Variants in HDAC9 observed in about 807,000 individuals in gnomAD.
HDAC9 encodes MEF-2 interacting transcription repressor (MITR) protein.
In HDAC9, 41 loss-of-function variants were observed where a neutral mutation model predicts 139.4. The observed-to-expected ratio is 0.29, with a 90% CI of 0.23 to 0.38. HDAC9 has a LOEUF of 0.38. Ranked by LOEUF, HDAC9 falls within the 10% of genes least tolerant of loss-of-function variation. The probability of loss-of-function intolerance (pLI) is 1.00; values close to 1 mark genes in which losing one functional copy is unlikely to be tolerated. For synonymous variants in HDAC9, 517 were observed against 476.2 expected, an observed-to-expected ratio of 1.09 and a Z score of -1.12; for missense variants, 1,147 against 1,297.0, an observed-to-expected ratio of 0.88 and a Z score of 1.78.
chr7:18,930,304 T>G (rs1804623268), intron 22 of HDAC9, among the ~76,000 whole-genome samples: 1 of 152,214 alleles, frequency 6.6e-6, no homozygotes. Flanking sequence ...AGGTCTGTGC[T>G]AAAATTTTTC....
At chr7:18,479,984 C>CT (rs753734278) in intron 1 of HDAC9, among the ~76,000 whole-genome samples, 5,128 of 116,116 alleles carry the variant, frequency 0.044, 215 homozygotes, top group East Asian at 0.21. Flanking sequence ...TCCACTCTGT[C>CT]TTTTTTTTTT....
intron 1 of HDAC9, among the ~76,000 whole-genome samples, chr7:18,148,440 C>T (rs1786509923): frequency 6.6e-6 from 1 of 152,072 alleles, no homozygotes; most frequent in Non-Finnish European, 1.5e-5. Context: ...TGTATTCTGC[C>T]TCTCCCTTCT....
chr7:18,908,336 G>T (rs926902134), intron 22 of HDAC9, among the ~76,000 whole-genome samples: 8 of 151,988 alleles, frequency 5.3e-5, no homozygotes, highest in Admixed American at 3.9e-4. Flanking sequence ...AAATCAATGT[G>T]TGATTATTAA....
At chr7:18,519,856 A>C (rs1031046434) in intron 2 of HDAC9, among the ~76,000 whole-genome samples, 1 of 152,204 alleles carries the variant, frequency 6.6e-6, no homozygotes, top group South Asian at 2.1e-4. Flanking sequence ...CTATAAGTCA[A>C]TACATAATCC....
intron 2 of HDAC9, among the ~76,000 whole-genome samples, chr7:18,283,238 A>G (rs752256305): frequency 6.6e-6 from 1 of 152,148 alleles, no homozygotes; most frequent in Admixed American, 6.5e-5. Flanking sequence ...GCTTCTTCAC[A>G]TGGTGGCAGG....
chr7:18,876,028 T>G (rs1799295931), intron 22 of HDAC9, among the ~76,000 whole-genome samples: 1 of 152,184 alleles, frequency 6.6e-6, no homozygotes, highest in Non-Finnish European at 1.5e-5. Flanking sequence ...AGGGAAAGGT[T>G]GTAACAAGAC....
chr7:18,164,125 G>T (rs368685320), intron 2 of HDAC9, among the ~76,000 whole-genome samples: 1 of 152,152 alleles, frequency 6.6e-6, no homozygotes, highest in South Asian at 2.1e-4. Flanking sequence ...ACATTATGCA[G>T]AAGTCTCAAT....
At chr7:18,737,245 C>A (rs1053795488) in intron 13 of HDAC9, among the ~76,000 whole-genome samples, 2 of 152,148 alleles carry the variant, frequency 1.3e-5, no homozygotes, top group African/African-American at 4.8e-5. Flanking sequence ...CAGTTCTGCT[C>A]TGGTCTTAGT....
chr7:18,586,347 T>C (rs1282843310), intron 3 of HDAC9, among the ~76,000 whole-genome samples: 2 of 152,104 alleles, frequency 1.3e-5, no homozygotes. Flanking sequence ...GCTATTTAAT[T>C]TGAATTTATT....
At chr7:18,929,666 G>A (rs1006225517) in intron 22 of HDAC9, among the ~76,000 whole-genome samples, 4 of 152,058 alleles carry the variant, frequency 2.6e-5, no homozygotes, top group Non-Finnish European at 5.9e-5. Flanking sequence ...GGCTGGGCAT[G>A]GTAGCTTACG....
At chr7:18,789,916 C>T (rs1792153244) in intron 16 of HDAC9, among the ~76,000 whole-genome samples, 1 of 152,100 alleles carries the variant, frequency 6.6e-6, no homozygotes, top group African/African-American at 2.4e-5. Flanking sequence ...CCTCTTGATG[C>T]TATCACTAAT....
At chr7:18,812,315 C>A (rs1422818794) in intron 17 of HDAC9, among the ~76,000 whole-genome samples, 1 of 151,828 alleles carries the variant, frequency 6.6e-6, no homozygotes, top group African/African-American at 2.4e-5. Context: ...CATTTGGTAT[C>A]ATTTCCTTTC....
chr7:18,161,198 A>G (rs915022431), intron 1 of HDAC9, among the ~76,000 whole-genome samples: 2 of 152,238 alleles, frequency 1.3e-5, no homozygotes, highest in Non-Finnish European at 1.5e-5. Flanking sequence ...AGCTGTTTGA[A>G]TAACTAAATA....
At chr7:18,528,337 T>C (rs538562873) in intron 2 of HDAC9, among the ~76,000 whole-genome samples, 8 of 151,258 alleles carry the variant, frequency 5.3e-5, no homozygotes, top group Non-Finnish European at 1.2e-4. Flanking sequence ...AAATGAGAAA[T>C]ACTAATATAG....
intron 22 of HDAC9, among the ~76,000 whole-genome samples, chr7:18,901,200 A>G (rs1263029202): frequency 7.3e-6 from 1 of 136,258 alleles, no homozygotes; most frequent in African/African-American, 3.1e-5. Context: ...TATATATACT[A>G]TATATACATA....
intron 13 of HDAC9, among the ~76,000 whole-genome samples, chr7:18,728,788 T>G (rs980123993): frequency 6.6e-6 from 1 of 152,230 alleles, no homozygotes; most frequent in Non-Finnish European, 1.5e-5. Flanking sequence ...TGATATTATC[T>G]TTAGTTTAAA....
chr7:18,422,740 ACGCG>A lies in HDAC9; in HGVS notation c.-41-73520_-41-73517del, dbSNP rs146021680. ...CTGTCATTAGCTTTAAGACACACAC[ACGCG>A]CACACACACACACACACACACACAC... On this transcript the variant is annotated intron_variant, in intron 1 of 3. Transcript: ENST00000413509. Among the ~76,000 whole-genome samples the A allele has an allele frequency of 2.2e-3, 325 of 144,448 alleles. 2 individuals are homozygous for A. The highest frequency in any genetic ancestry group is 3.6e-3 in the South Asian group (16 of 4,412). 94.8% of individuals were successfully genotyped at this position (144,448 alleles called of 152,430 possible). A position where few individuals can be genotyped will look rare whatever the true frequency, so the allele number is the denominator to read the frequency against.
At chr7:18,306,586 A>T (rs1385922012) in intron 1 of HDAC9, among the ~76,000 whole-genome samples, 1 of 152,160 alleles carries the variant, frequency 6.6e-6, no homozygotes, top group African/African-American at 2.4e-5. Context: ...CCTTCTACAC[A>T]TACTTTTGGT....
At chr7:18,465,972 G>A (rs2128114758) in intron 1 of HDAC9, among the ~76,000 whole-genome samples, 1 of 152,250 alleles carries the variant, frequency 6.6e-6, no homozygotes, top group East Asian at 1.9e-4. Context: ...TTTGTGATCT[G>A]GAAATTCAGT....
Sources: allele counts gnomAD v4.1 joint callset (sites outside exome capture counted in the v4.1 genomes callset), GRCh38; gene constraint gnomAD v4.1.1; transcripts MANE v1.5; gene names NCBI Gene and HGNC (gene_info 2026-07-23, HGNC 2026-07-21).